SLC12A6: variants seen among roughly 807,000 people sequenced by gnomAD.
SLC12A6 encodes the protein solute carrier family 12 member 6.
SLC12A6 carries 66 observed loss-of-function variants against 135.3 expected under a neutral mutation model. The observed-to-expected ratio is 0.49, with a 90% confidence interval of 0.40 to 0.60. The LOEUF (loss-of-function observed/expected upper bound fraction) is 0.60, where lower values mean the gene tolerates loss of function less well. SLC12A6 is among the 20% of genes least tolerant of loss of function. SLC12A6 has a pLI of 0.00. For missense variants in SLC12A6, 1,058 were observed against 1,452.3 expected (o/e 0.73, Z 4.41); for synonymous variants, 513 against 508.8 (o/e 1.01, Z -0.11).
At chr15:34,245,148 G>A (rs1441579476) in intron 15 of SLC12A6, 137 bp downstream of exon 15, 2 of 704,970 alleles carry the variant, frequency 2.8e-6, no homozygotes, top group Admixed American at 2.0e-5. Context: ...AAGTTCTCAG[G>A]AATGATTTTT....
intron 2 of SLC12A6, among the ~76,000 whole-genome samples, chr15:34,305,595 T>C (rs1315473273): frequency 2.0e-5 from 3 of 152,062 alleles, no homozygotes; most frequent in Non-Finnish European, 2.9e-5. Context: ...GTTCTCCTGG[T>C]GCTTACACTC....
At chr15:34,290,172 G>A (rs982867708) in intron 2 of SLC12A6, among the ~76,000 whole-genome samples, 2 of 152,248 alleles carry the variant, frequency 1.3e-5, no homozygotes, top group African/African-American at 4.8e-5. Context: ...ATTCTGGTAC[G>A]TTATGTCTTT....
Position 34,252,207 on chromosome 15 carries a change from G to C in SLC12A6, c.1296C>G (p.Ile432Met). ...CACTAGCCAATCCAGGAATGCCCTG[G>C]ATTGAAGTGACGTTATTGTGAACAA... Reference protein sequence around the residue: ...EYFVHNNVTSIQGIPGLASGI... With the variant: ...EYFVHNNVTSMQGIPGLASGI... Residue 432 changes from isoleucine (I) to methionine (M), a missense_variant, in exon 10 of 26, where the codon ATC becomes ATG. By Grantham distance (10) the Ile-to-Met change is conservative (BLOSUM62 1). Coordinates refer to ENST00000354181, the MANE Select transcript of SLC12A6 (RefSeq NM_001365088.1). 1 of 1,606,046 alleles carries C rather than the reference G, an allele frequency of 6.2e-7. No individual in the cohort carries two copies. Among genetic ancestry groups the C allele is most frequent in the Non-Finnish European group, 8.5e-7 (1 of 1,172,804 alleles).
At chr15:34,323,360 G>A (rs1889248125) in intron 2 of SLC12A6, among the ~76,000 whole-genome samples, 1 of 152,148 alleles carries the variant, frequency 6.6e-6, no homozygotes, top group Non-Finnish European at 1.5e-5. Flanking sequence ...TCCCTGGCCT[G>A]TTAGGAACGG....
In SLC12A6 at chr15:34,310,245, AGTGT is replaced by A. The variant is rs778291758; in HGVS notation, c.271+26161_271+26164del. Among the ~76,000 whole-genome samples, 707 of 102,910 alleles carry A rather than the reference AGTGT, an allele frequency of 6.9e-3. 5 individuals are homozygous for A. Among genetic ancestry groups the A allele is most frequent in the Middle Eastern group, 0.029 (4 of 138 alleles). The allele number at this position is 102,910 out of a possible 152,430, so 67.5% of individuals were successfully genotyped here. ...GGCTAGTGTTGAACTCCTGGGCTCA[AGTGT>A]GTGTGTGTGTGTGTCCCCGTGTCCA... On this transcript the variant is annotated intron_variant, in intron 2 of 25. Coordinates refer to ENST00000354181, the MANE Select transcript of SLC12A6 (RefSeq NM_001365088.1).
In SLC12A6 at chr15:34,233,710, G is replaced by C. The variant is rs746999362; in HGVS notation, c.*171C>G. On this transcript the variant is annotated 3_prime_UTR_variant, in exon 26 of 26. Coordinates refer to ENST00000354181, the MANE Select transcript of SLC12A6 (RefSeq NM_001365088.1). ...CTTTTTCTGTAATGACTGCAGATCA[G>C]ATGGGAGCTCTTTTACACAGGTACT... 10 of 660,082 alleles carry C rather than the reference G, an allele frequency of 1.5e-5. No individual in the cohort carries two copies. The highest frequency in any genetic ancestry group is 2.2e-5 in the Non-Finnish European group (8 of 357,736). The allele number at this position is 660,082 out of a possible 1,614,324, so 40.9% of individuals were successfully genotyped here.
intron 2 of SLC12A6, among the ~76,000 whole-genome samples, chr15:34,312,956 A>T (rs1016963805): frequency 2.0e-5 from 3 of 152,234 alleles, no homozygotes; most frequent in Non-Finnish European, 2.9e-5. Context: ...AGAAGACTTA[A>T]TCCATAAATG....
chr15:34,308,077 G>C (rs954113209), intron 2 of SLC12A6, among the ~76,000 whole-genome samples: 3 of 152,008 alleles, frequency 2.0e-5, no homozygotes, highest in Admixed American at 6.6e-5. Context: ...TCATTTCCAT[G>C]AAAATGAAAT....
chr15:34,261,536 T>A (rs1893130031), intron 3 of SLC12A6, among the ~76,000 whole-genome samples: 1 of 152,034 alleles, frequency 6.6e-6, no homozygotes, highest in Non-Finnish European at 1.5e-5. Flanking sequence ...GGCCTCAAGT[T>A]ATCCGCCCAC....
At chr15:34,241,196 A>G (rs757316010) in intron 18 of SLC12A6, 37 bp downstream of exon 18, 7 of 1,054,666 alleles carry the variant, frequency 6.6e-6, no homozygotes, top group African/African-American at 1.6e-5. Flanking sequence ...TTGTGTGTTA[A>G]CCATGTGCCA....
chr15:34,298,337 T>C (rs570517107), intron 2 of SLC12A6, among the ~76,000 whole-genome samples: 8 of 151,914 alleles, frequency 5.3e-5, no homozygotes, highest in Non-Finnish European at 8.8e-5. Flanking sequence ...TAGCTAGGCA[T>C]GGTGGTGGGC....
chr15:34,270,668 T>A (rs1258152563), intron 3 of SLC12A6, among the ~76,000 whole-genome samples: 1 of 151,960 alleles, frequency 6.6e-6, no homozygotes, highest in African/African-American at 2.4e-5. Flanking sequence ...CCAGGTGTGA[T>A]GGTGGGTCCC....
At chr15:34,288,893 A>C (rs1336655162) in intron 2 of SLC12A6, among the ~76,000 whole-genome samples, 2 of 152,164 alleles carry the variant, frequency 1.3e-5, no homozygotes, top group Non-Finnish European at 2.9e-5. Context: ...GGCTGAGACG[A>C]TGGGGTTTTC....
Position 34,238,374 on chromosome 15 carries a change from T to C in SLC12A6, c.2660A>G (p.His887Arg), listed in dbSNP as rs1566801268. The C allele has an allele frequency of 1.2e-6, 2 of 1,613,996 alleles. No individual in the cohort carries two copies. The highest frequency in any genetic ancestry group is 8.5e-7 in the Non-Finnish European group (1 of 1,179,864). ...IGTVRVTTAAHLALLVAKNIS... is the reference protein window; with the variant it reads ...IGTVRVTTAARLALLVAKNIS... ...GTTTTTAGCCACCAGCAGTGCAAGA[T>C]GGGCAGCAGTTGTCACTCGAACTGT... Residue 887 changes from histidine to arginine, a missense_variant, in exon 21 of 26, where the codon CAT (histidine) becomes CGT (arginine). Coordinates refer to ENST00000354181, the MANE Select transcript of SLC12A6 (RefSeq NM_001365088.1).
intron 2 of SLC12A6, among the ~76,000 whole-genome samples, chr15:34,304,094 C>G (rs777036680): frequency 6.6e-6 from 1 of 152,190 alleles, no homozygotes; most frequent in Non-Finnish European, 1.5e-5. Flanking sequence ...CCTATCCAGA[C>G]TAAACGACCA....
chr15:34,290,554 G>A (rs955676924), intron 2 of SLC12A6, among the ~76,000 whole-genome samples: 4 of 152,012 alleles, frequency 2.6e-5, no homozygotes, highest in Non-Finnish European at 4.4e-5. Context: ...CTGTCTCGTC[G>A]ATCTAATATT....
At chr15:34,322,753 A>G (rs111857803) in intron 2 of SLC12A6, among the ~76,000 whole-genome samples, 42,565 of 151,722 alleles carry the variant, frequency 0.28, 6,068 homozygotes, top group South Asian at 0.4. Context: ...CAAGGTGGGC[A>G]GATCACTTGA....
At position 34,336,767 on chromosome 15, in the gene SLC12A6, A is replaced by T. The variant is rs1046254901; in HGVS notation, c.-72-15T>A. The T allele has an allele frequency of 1.8e-5, 19 of 1,048,164 alleles. No homozygotes were observed. In the African/African-American group the frequency reaches 2.8e-4, roughly 16 times the overall value. 64.9% of individuals were successfully genotyped at this position (1,048,164 alleles called of 1,614,324 possible). A position where few individuals can be genotyped will look rare whatever the true frequency, so the allele number is the denominator to read the frequency against. On this transcript the variant is annotated splice_polypyrimidine_tract_variant and intron_variant, in intron 1 of 25. Transcript: ENST00000354181. The stretch of plus-strand genomic sequence containing the variant: ...GCTACTTTTGACTGCAATACAAAAG[A>T]TAACTTGAAAAATAACACATTTCAA...
intron 2 of SLC12A6, among the ~76,000 whole-genome samples, chr15:34,283,574 A>G (rs1041958510): frequency 9.9e-5 from 15 of 152,250 alleles, no homozygotes; most frequent in Admixed American, 7.9e-4. Context: ...AGAAGACCCT[A>G]AGATGGGAAT....
Sources: gnomAD v4.1 joint callset for allele counts (sites outside exome capture counted in the v4.1 genomes callset) on GRCh38, gnomAD v4.1.1 for gene constraint, MANE v1.5 for transcripts, NCBI Gene and HGNC (gene_info 2026-07-23, HGNC 2026-07-21) for gene names.